ADAM22: variants seen among roughly 807,000 people sequenced by gnomAD.
ADAM22 encodes disintegrin and metalloproteinase domain-containing protein 22.
A neutral mutation model predicts 144.6 loss-of-function variants in ADAM22; 65 were observed. That is an observed-to-expected ratio of 0.45 (90% CI 0.37 to 0.55). The LOEUF is 0.55. ADAM22 is among the 20% of genes least tolerant of loss of function. The pLI, the probability that ADAM22 is intolerant of heterozygous loss-of-function variation, is 0.00. For synonymous variants in ADAM22, 391 were observed against 412.6 expected (o/e 0.95, Z 0.63); for missense variants, 974 against 1,184.9 (o/e 0.82, Z 2.61).
chr7:88,174,256 A>C (rs571452536), intron 26 of ADAM22, among the ~76,000 whole-genome samples: 2 of 152,190 alleles, frequency 1.3e-5, no homozygotes, highest in Non-Finnish European at 2.9e-5. Context: ...GATGTGAAGC[A>C]GACCCACGTT....
intron 4 of ADAM22, among the ~76,000 whole-genome samples, chr7:88,091,976 A>G (rs17150209): frequency 0.032 from 4,854 of 151,074 alleles, 288 homozygotes; most frequent in African/African-American, 0.11. Flanking sequence ...TTTAAAAACT[A>G]TTTCATTTTG....
intron 3 of ADAM22, among the ~76,000 whole-genome samples, chr7:88,021,298 C>T (rs1271411046): frequency 6.6e-6 from 1 of 152,172 alleles, no homozygotes; most frequent in Non-Finnish European, 1.5e-5. Context: ...CAGAGCCTTC[C>T]AGAGACCTTA....
At chr7:88,151,131 T>C in intron 19 of ADAM22, 100 bp downstream of exon 19, 1 of 1,522,054 alleles carries the variant, frequency 6.6e-7, no homozygotes, top group East Asian at 2.3e-5. Flanking sequence ...ATGTTTGTAA[T>C]CAATTCTGAA....
intron 3 of ADAM22, among the ~76,000 whole-genome samples, chr7:88,065,866 A>G (rs1024503927): frequency 1.3e-5 from 2 of 152,142 alleles, no homozygotes; most frequent in African/African-American, 2.4e-5. Context: ...CTTAATATGT[A>G]TTGTCAAATT....
intron 3 of ADAM22, among the ~76,000 whole-genome samples, chr7:88,018,961 CT>C (rs1194873114): frequency 2.0e-5 from 3 of 151,818 alleles, no homozygotes; most frequent in East Asian, 1.9e-4. Context: ...AGCTCTATAG[CT>C]TTTTTGTATA....
At chr7:87,966,004 A>G (rs1848965806) in intron 2 of ADAM22, among the ~76,000 whole-genome samples, 1 of 152,208 alleles carries the variant, frequency 6.6e-6, no homozygotes, top group African/African-American at 2.4e-5. Flanking sequence ...GAGCTTTTAT[A>G]TACTCTCTTC....
intron 4 of ADAM22, among the ~76,000 whole-genome samples, chr7:88,083,347 G>T (rs1817432623): frequency 6.6e-6 from 1 of 152,104 alleles, no homozygotes; most frequent in South Asian, 2.1e-4. Context: ...GTGGGGTGGG[G>T]GACTGGGGGA....
intron 10 of ADAM22, 24 bp from the exon 11 acceptor site, chr7:88,131,245 G>A (rs1831691115): frequency 6.3e-7 from 1 of 1,594,422 alleles, no homozygotes; most frequent in Non-Finnish European, 8.6e-7. Context: ...TACAGCTGAT[G>A]TGTTCATTTT....
chr7:88,150,928 T>C, intron 18 of ADAM22, 53 bp from the exon 19 acceptor site: 1 of 1,431,858 alleles, frequency 7.0e-7, no homozygotes, highest in South Asian at 1.2e-5. Flanking sequence ...AGGGTTTAGC[T>C]CAGCCTTATA....
intron 2 of ADAM22, chr7:87,964,699 A>G (rs756645879): frequency 1.0e-5 from 4 of 383,162 alleles, no homozygotes; most frequent in South Asian, 5.9e-5. Context: ...TGCAGTACCT[A>G]TAACAAAAAT....
chr7:88,175,040 C>G (rs1384961083), intron 26 of ADAM22, among the ~76,000 whole-genome samples: 1 of 152,098 alleles, frequency 6.6e-6, no homozygotes, highest in Non-Finnish European at 1.5e-5. Context: ...TCCTTCAGCA[C>G]TAAAGTTAAG....
At chr7:88,119,403 G>A (rs948435616) in intron 7 of ADAM22, among the ~76,000 whole-genome samples, 1 of 152,184 alleles carries the variant, frequency 6.6e-6, no homozygotes, top group African/African-American at 2.4e-5. Context: ...CTTTTGTTTA[G>A]CACATGCCTG....
chr7:88,185,898 G>A (rs1848184294), intron 29 of ADAM22: 1 of 152,210 alleles, frequency 6.6e-6, no homozygotes, highest in Non-Finnish European at 1.5e-5. Context: ...ATGGAAACAT[G>A]AGCACTTTAT....
chr7:87,966,258 G>T (rs1171273415), intron 2 of ADAM22, among the ~76,000 whole-genome samples: 1 of 152,122 alleles, frequency 6.6e-6, no homozygotes, highest in Non-Finnish European at 1.5e-5. Context: ...TGCTGATTTT[G>T]TTGCATCTAA....
intron 8 of ADAM22, among the ~76,000 whole-genome samples, chr7:88,128,152 C>T (rs1206633613): frequency 6.6e-6 from 1 of 151,896 alleles, no homozygotes; most frequent in Non-Finnish European, 1.5e-5. Context: ...CCTCAGAGGA[C>T]CTGAAATTAA....
intron 3 of ADAM22, among the ~76,000 whole-genome samples, chr7:88,032,425 A>T (rs1209414921): frequency 6.6e-6 from 1 of 152,092 alleles, no homozygotes; most frequent in African/African-American, 2.4e-5. Flanking sequence ...TCCTTTTTGG[A>T]AAGGGAGCAT....
At chr7:88,020,369 G>A (rs977990375) in intron 3 of ADAM22, among the ~76,000 whole-genome samples, 1 of 152,200 alleles carries the variant, frequency 6.6e-6, no homozygotes, top group Non-Finnish European at 1.5e-5. Context: ...CGCTTTGCCT[G>A]TGGTTTGTTG....
At chr7:88,091,558 T>G (rs1426010166) in intron 4 of ADAM22, among the ~76,000 whole-genome samples, 2 of 152,170 alleles carry the variant, frequency 1.3e-5, no homozygotes, top group Non-Finnish European at 2.9e-5. Context: ...TACTATGTGC[T>G]AGATGCCAGT....
intron 3 of ADAM22, among the ~76,000 whole-genome samples, chr7:88,050,576 GA>G (rs1806030682): frequency 6.6e-6 from 1 of 151,802 alleles, no homozygotes. Context: ...TAACTTACCT[GA>G]TTTTTCTTTG....
Sources: gnomAD v4.1 joint callset for allele counts (sites outside exome capture counted in the v4.1 genomes callset) on GRCh38, gnomAD v4.1.1 for gene constraint, MANE v1.5 for transcripts, NCBI Gene and HGNC (gene_info 2026-07-23, HGNC 2026-07-21) for gene names.